NELL2: variants seen among roughly 807,000 people sequenced by gnomAD.
NELL2 encodes protein kinase C-binding protein NELL2.
NELL2 carries 41 observed loss-of-function variants against 109.6 expected under a neutral mutation model. The observed-to-expected ratio is 0.37, with a 90% CI of 0.29 to 0.49. The LOEUF (loss-of-function observed/expected upper bound fraction) is 0.49. NELL2 is among the 20% of genes least tolerant of loss of function. The pLI is 0.98. For synonymous variants in NELL2, 355 were observed against 344.7 expected (o/e 1.03, Z -0.33); for missense variants, 900 against 1,008.3 (o/e 0.89, Z 1.45).
intron 15 of NELL2, among the ~76,000 whole-genome samples, chr12:44,553,801 T>A (rs980130162): frequency 6.6e-6 from 1 of 151,268 alleles, no homozygotes; most frequent in Non-Finnish European, 1.5e-5. Context: ...GAATTGGACA[T>A]TGTGAGAATA....
chr12:44,606,570 G>C (rs1945409552), intron 15 of NELL2, among the ~76,000 whole-genome samples: 1 of 151,920 alleles, frequency 6.6e-6, no homozygotes, highest in Non-Finnish European at 1.5e-5. Flanking sequence ...TTTTACTTTA[G>C]GGTTATAAGT....
intron 15 of NELL2, among the ~76,000 whole-genome samples, chr12:44,558,724 G>C (rs979532970): frequency 2.0e-5 from 3 of 152,144 alleles, no homozygotes; most frequent in Admixed American, 6.5e-5. Flanking sequence ...AGGGCCCTGG[G>C]TTTCAAGCGC....
At chr12:44,888,113 T>A (rs1945494791) in intron 1 of NELL2, among the ~76,000 whole-genome samples, 1 of 152,058 alleles carries the variant, frequency 6.6e-6, no homozygotes. Flanking sequence ...CATTGTATGT[T>A]CTTGGCACCT....
intron 9 of NELL2, among the ~76,000 whole-genome samples, chr12:44,720,850 A>G (rs545768397): frequency 2.6e-5 from 4 of 152,276 alleles, no homozygotes; most frequent in African/African-American, 7.2e-5. Context: ...TCTGTTTTAT[A>G]TACACCATGT....
At chr12:44,868,655 A>G (rs1945078223) in intron 2 of NELL2, among the ~76,000 whole-genome samples, 1 of 152,196 alleles carries the variant, frequency 6.6e-6, no homozygotes, top group African/African-American at 2.4e-5. Context: ...CAAATACCAC[A>G]TGATCTCACT....
intron 2 of NELL2, among the ~76,000 whole-genome samples, chr12:44,854,795 T>C (rs1489475180): frequency 6.6e-6 from 1 of 151,294 alleles, no homozygotes; most frequent in Non-Finnish European, 1.5e-5. Flanking sequence ...AGGATAGCTA[T>C]TCCAAAAAAA....
chr12:44,838,812 G>A (rs1213027502), intron 2 of NELL2, among the ~76,000 whole-genome samples: 1 of 151,792 alleles, frequency 6.6e-6, no homozygotes, highest in Non-Finnish European at 1.5e-5. Flanking sequence ...AAAGTCATGG[G>A]AAGTGTAGAA....
At chr12:44,714,106 C>T (rs927083903) in intron 10 of NELL2, among the ~76,000 whole-genome samples, 7 of 151,676 alleles carry the variant, frequency 4.6e-5, no homozygotes, top group African/African-American at 1.5e-4. Flanking sequence ...ATTAGTAGGT[C>T]GAGGGGCAAA....
intron 13 of NELL2, among the ~76,000 whole-genome samples, chr12:44,656,453 C>G (rs1344691425): frequency 6.6e-6 from 1 of 152,084 alleles, no homozygotes; most frequent in Non-Finnish European, 1.5e-5. Flanking sequence ...AGAAAAGTGC[C>G]CAGTTGAAAG....
chr12:44,904,814 T>C (rs942330382), intron 1 of NELL2, among the ~76,000 whole-genome samples: 1 of 152,112 alleles, frequency 6.6e-6, no homozygotes, highest in Non-Finnish European at 1.5e-5. Flanking sequence ...ATTTTTAGTA[T>C]ACTAAAAAGT....
Position 44,691,230 on chromosome 12 carries a change from T to C in NELL2, c.1318+12496A>G, listed in dbSNP as rs2136395258. Among the ~76,000 whole-genome samples the C allele has an allele frequency of 1.3e-5, 2 of 152,290 alleles. 1 individual carries two copies. Among genetic ancestry groups the C allele is most frequent in the South Asian group, 4.1e-4 (2 of 4,822 alleles). ...CCAGCACCATTTTTCCAACAGCAGG[T>C]GCTTGTTTCATGTCTCCATGTCACG... On this transcript the variant is annotated intron_variant, in intron 12 of 19. Coordinates refer to ENST00000429094, the MANE Select transcript of NELL2 (RefSeq NM_001145108.2).
chr12:44,527,624 T>C (rs1407302408), intron 16 of NELL2, among the ~76,000 whole-genome samples: 2 of 152,106 alleles, frequency 1.3e-5, no homozygotes, highest in Admixed American at 6.5e-5. Context: ...CTACTTTCTT[T>C]CCCCCAGCAA....
intron 13 of NELL2, among the ~76,000 whole-genome samples, chr12:44,613,199 T>A (rs971675230): frequency 2.0e-5 from 3 of 152,112 alleles, no homozygotes; most frequent in Non-Finnish European, 2.9e-5. Flanking sequence ...GGCTGCTATC[T>A]ATTTTCCCTA....
chr12:44,873,381 T>A (rs1263950616), intron 2 of NELL2, among the ~76,000 whole-genome samples: 3 of 152,128 alleles, frequency 2.0e-5, no homozygotes, highest in Non-Finnish European at 4.4e-5. Context: ...TTGAAGAATT[T>A]GACAATTTAA....
intron 13 of NELL2, among the ~76,000 whole-genome samples, chr12:44,629,653 G>T (rs1188122349): frequency 1.3e-5 from 2 of 152,066 alleles, no homozygotes; most frequent in Non-Finnish European, 2.9e-5. Context: ...TGGGTTAAAA[G>T]GTTATTTTCC....
At chr12:44,565,003 C>T (rs1756761950) in intron 15 of NELL2, among the ~76,000 whole-genome samples, 1 of 152,060 alleles carries the variant, frequency 6.6e-6, no homozygotes. Flanking sequence ...TCTGAGGATG[C>T]CTTACAAAAA....
chr12:44,755,445 T>A (rs1367217092), intron 9 of NELL2, among the ~76,000 whole-genome samples: 1 of 151,686 alleles, frequency 6.6e-6, no homozygotes, highest in Admixed American at 6.6e-5. Flanking sequence ...TCACAGTCTC[T>A]CTCTCTGTCA....
At position 44,692,421 on chromosome 12, in the gene NELL2, A is replaced by G. The variant is rs551432529; in HGVS notation, c.1318+11305T>C. Among the ~76,000 whole-genome samples, 5 of 152,292 alleles carry G rather than the reference A, an allele frequency of 3.3e-5. No individual in the cohort carries two copies. In the South Asian group the frequency reaches 1.0e-3, roughly 32 times the overall value. Reference sequence around the variant, plus strand: ...CACCCAAGAGCTCTGATGGCAACGCACTAGGAGATTAATGTTTTCATGGCT... The same window carrying G: ...CACCCAAGAGCTCTGATGGCAACGCGCTAGGAGATTAATGTTTTCATGGCT... On this transcript the variant is annotated intron_variant, in intron 12 of 19. Coordinates refer to ENST00000429094, the MANE Select transcript of NELL2 (RefSeq NM_001145108.2).
intron 16 of NELL2, among the ~76,000 whole-genome samples, chr12:44,529,494 C>T (rs556397909): frequency 1.6e-4 from 25 of 151,896 alleles, no homozygotes; most frequent in African/African-American, 3.1e-4. Flanking sequence ...GATACATAGA[C>T]GGCATTTTAA....
Sources: allele counts gnomAD v4.1 joint callset (sites outside exome capture counted in the v4.1 genomes callset), GRCh38; gene constraint gnomAD v4.1.1; transcripts MANE v1.5; gene names NCBI Gene and HGNC (gene_info 2026-07-23, HGNC 2026-07-21).